Variants in ASIC2 observed in about 807,000 individuals in gnomAD.
ASIC2 encodes the protein acid-sensing ion channel 2.
Under a neutral mutation model 57.3 loss-of-function variants are expected in ASIC2, and 25 were observed. The observed-to-expected ratio is 0.44, with a 90% confidence interval of 0.32 to 0.61. The LOEUF (loss-of-function observed/expected upper bound fraction) is 0.61. Among genes scored for constraint, ASIC2 ranks in the 20% least tolerant of loss-of-function variants. ASIC2 has a pLI of 0.06. For synonymous variants in ASIC2, 319 were observed against 307.5 expected (o/e 1.04, Z -0.39); for missense variants, 641 against 738.1 (o/e 0.87, Z 1.52).
chr17:33,116,872 C>A, intron 1 of ASIC2, among the ~76,000 whole-genome samples: 1 of 151,250 alleles, frequency 6.6e-6, no homozygotes, highest in African/African-American at 2.4e-5. Context: ...TTTTTTGAGA[C>A]AGGGCCTTGC....
chr17:33,037,389 C>CTTTTTT (rs35286664), intron 3 of ASIC2, among the ~76,000 whole-genome samples: 1 of 123,832 alleles, frequency 8.1e-6, no homozygotes, highest in Non-Finnish European at 1.6e-5. Flanking sequence ...ACTTCCCCCT[C>CTTTTTT]TTTTTTTTTT....
intron 1 of ASIC2, among the ~76,000 whole-genome samples, chr17:33,743,669 A>G (rs772400311): frequency 2.0e-5 from 3 of 152,208 alleles, no homozygotes; most frequent in Non-Finnish European, 4.4e-5. Flanking sequence ...TGCAACAGAC[A>G]GCATTTGGAT....
intron 1 of ASIC2, chr17:34,038,213 T>A: frequency 6.2e-7 from 1 of 1,612,256 alleles, no homozygotes; most frequent in South Asian, 1.1e-5. Context: ...CTTTAAAGCA[T>A]TCACAATCTG....
At chr17:33,060,422 C>A (rs529181287) in intron 3 of ASIC2, among the ~76,000 whole-genome samples, 1 of 152,258 alleles carries the variant, frequency 6.6e-6, no homozygotes, top group African/African-American at 2.4e-5. Flanking sequence ...ATAGGGAATC[C>A]TTTCCCCATT....
chr17:33,106,841 G>A lies in ASIC2; in HGVS notation c.859+5076C>T, dbSNP rs186492555. Among the ~76,000 whole-genome samples the A allele has an allele frequency of 4.1e-4, 63 of 152,166 alleles. 1 individual carries two copies. Among genetic ancestry groups the A allele is most frequent in the Admixed American group, 1.2e-3 (18 of 15,278 alleles). On this transcript the variant is annotated intron_variant, in intron 2 of 9. Coordinates refer to ENST00000225823, the MANE Select transcript of ASIC2 (RefSeq NM_183377.2). ...CTGTAAAATATAAAACTTAGGCTCT[G>A]TTAGGAGCCATGTGTGAAAAAATAT...
intron 2 of ASIC2, among the ~76,000 whole-genome samples, chr17:33,109,550 C>T (rs752090386): frequency 3.9e-5 from 6 of 152,184 alleles, no homozygotes; most frequent in Non-Finnish European, 8.8e-5. Context: ...TCAGCAGCAA[C>T]GAGACTGGAG....
chr17:34,122,026 T>C lies in ASIC2; in HGVS notation c.555+33952A>G, dbSNP rs909954462. On this transcript the variant is annotated intron_variant, in intron 1 of 9. Transcript: ENST00000359872. ...GTGCTTTGCTGCAGGGAGCCATCTC[T>C]GTATGACCAAAGCCCATATGGGCAC... Among the ~76,000 whole-genome samples the C allele has an allele frequency of 5.3e-5, 8 of 152,210 alleles. No homozygotes were observed. The East Asian group carries it at 5.8e-4, about 11-fold the overall frequency.
intron 1 of ASIC2, among the ~76,000 whole-genome samples, chr17:33,695,491 G>GA (rs1208837001): frequency 1.3e-5 from 2 of 152,080 alleles, no homozygotes. Context: ...TAAAAATTAT[G>GA]AAAAAATGTA....
chr17:33,392,565 C>T (rs992181409), intron 1 of ASIC2, among the ~76,000 whole-genome samples: 1 of 152,158 alleles, frequency 6.6e-6, no homozygotes, highest in Admixed American at 6.5e-5. Flanking sequence ...GCACCCGGCC[C>T]CTTATCCTAA....
At chr17:33,825,910 A>T (rs1912893319) in intron 1 of ASIC2, among the ~76,000 whole-genome samples, 1 of 152,218 alleles carries the variant, frequency 6.6e-6, no homozygotes, top group Admixed American at 6.5e-5. Context: ...AGTAATAGAT[A>T]TATCTAATTA....
At chr17:34,066,766 A>G (rs1270149239) in intron 1 of ASIC2, among the ~76,000 whole-genome samples, 1 of 152,182 alleles carries the variant, frequency 6.6e-6, no homozygotes, top group Non-Finnish European at 1.5e-5. Flanking sequence ...GAAGGGCCAA[A>G]GTGGACTGCT....
intron 1 of ASIC2, among the ~76,000 whole-genome samples, chr17:33,779,539 T>C (rs1477846326): frequency 6.6e-6 from 1 of 152,182 alleles, no homozygotes; most frequent in Non-Finnish European, 1.5e-5. Context: ...AACCTAGTGC[T>C]CTCAGAAGTT....
chr17:33,312,028 C>T (rs916584100), intron 1 of ASIC2, among the ~76,000 whole-genome samples: 1 of 152,174 alleles, frequency 6.6e-6, no homozygotes, highest in African/African-American at 2.4e-5. Flanking sequence ...TCTGGGAGTG[C>T]TGTCAAGCAT....
intron 1 of ASIC2, among the ~76,000 whole-genome samples, chr17:33,376,092 C>T (rs144002182): frequency 1.4e-3 from 211 of 152,094 alleles, no homozygotes; most frequent in African/African-American, 4.6e-3. Flanking sequence ...GTATTTAAAA[C>T]CAATAGACTG....
At chr17:33,190,268 TTAAAA>T (rs1906361717) in intron 1 of ASIC2, among the ~76,000 whole-genome samples, 2 of 152,234 alleles carry the variant, frequency 1.3e-5, no homozygotes, top group South Asian at 4.2e-4. Context: ...CGGTTGGAAA[TTAAAA>T]TAAAAAACCA....
chr17:33,861,620 T>G (rs1433369514), intron 1 of ASIC2, among the ~76,000 whole-genome samples: 2 of 152,234 alleles, frequency 1.3e-5, no homozygotes, highest in Non-Finnish European at 2.9e-5. Flanking sequence ...GCTCAGGAAC[T>G]TTGAACAGCC....
chr17:33,213,237 G>A (rs1234573948), intron 1 of ASIC2, among the ~76,000 whole-genome samples: 1 of 152,202 alleles, frequency 6.6e-6, no homozygotes, highest in East Asian at 1.9e-4. Context: ...AGGGCCAGGA[G>A]GTGGGCATAG....
At chr17:33,218,908 G>A (rs919938804) in intron 1 of ASIC2, among the ~76,000 whole-genome samples, 7 of 152,166 alleles carry the variant, frequency 4.6e-5, no homozygotes, top group Non-Finnish European at 1.0e-4. Flanking sequence ...GATCTGCCAC[G>A]CATGTTTTCC....
chr17:34,020,333 T>A (rs895102334), intron 1 of ASIC2, among the ~76,000 whole-genome samples: 1 of 152,168 alleles, frequency 6.6e-6, no homozygotes. Context: ...ACATCTCAGA[T>A]CTTCAAATGT....
Sources: gnomAD v4.1 joint callset for allele counts (sites outside exome capture counted in the v4.1 genomes callset) on GRCh38, gnomAD v4.1.1 for gene constraint, MANE v1.5 for transcripts, NCBI Gene and HGNC (gene_info 2026-07-23, HGNC 2026-07-21) for gene names.